Variants in BACE2 observed in about 807,000 individuals in gnomAD.
BACE2 encodes 56 kDa aspartic-like protease.
A neutral mutation model predicts 46.2 loss-of-function variants in BACE2; 17 were observed. The observed-to-expected ratio is 0.37, with a 90% CI of 0.25 to 0.55. The LOEUF (loss-of-function observed/expected upper bound fraction) is 0.55, where lower values mean the gene tolerates loss of function less well. Among genes scored for constraint, BACE2 ranks in the 20% least tolerant of loss-of-function variants. BACE2 has a pLI of 0.82. For missense variants in BACE2, 595 were observed against 698.1 expected, an observed-to-expected ratio of 0.85 and a Z score of 1.66; for synonymous variants, 277 against 295.9, an observed-to-expected ratio of 0.94 and a Z score of 0.66.
At chr21:41,236,424 C>G (rs765162524) in intron 2 of BACE2, among the ~76,000 whole-genome samples, 3 of 152,186 alleles carry the variant, frequency 2.0e-5, no homozygotes, top group Non-Finnish European at 2.9e-5. Flanking sequence ...TATCTCTCCT[C>G]ACTGCAGCAT....
intron 6 of BACE2, among the ~76,000 whole-genome samples, chr21:41,247,941 C>T (rs1454893332): frequency 6.6e-6 from 1 of 152,084 alleles, no homozygotes; most frequent in Non-Finnish European, 1.5e-5. Context: ...AACCTCTTGG[C>T]GTGGGTTTCC....
chr21:41,240,440 C>T (rs1030245072), intron 3 of BACE2, among the ~76,000 whole-genome samples: 2 of 152,218 alleles, frequency 1.3e-5, no homozygotes, highest in African/African-American at 2.4e-5. Flanking sequence ...TCGCTGTGTG[C>T]GTGTGCCAGG....
chr21:41,259,544 C>G (rs1012856975), intron 8 of BACE2, among the ~76,000 whole-genome samples: 3 of 151,420 alleles, frequency 2.0e-5, no homozygotes, highest in Admixed American at 1.3e-4. Flanking sequence ...TATGGACTAT[C>G]TAGATTTAAT....
Position 41,280,047 on chromosome 21 carries a change from A to T in BACE2, c.*4423A>T, listed in dbSNP as rs927140411. 1.3e-5 allele frequency: 2 copies of T among 152,244 alleles called. No individual in the cohort carries two copies. The highest frequency in any genetic ancestry group is 6.5e-5 in the Admixed American group (1 of 15,284). 9.4% of individuals were successfully genotyped at this position (152,244 alleles called of 1,614,324 possible). A position where few individuals can be genotyped will look rare whatever the true frequency, so the allele number is the denominator to read the frequency against. The stretch of plus-strand genomic sequence containing the variant: ...TTTGTAAAGGAACTTCTCAGGATTG[A>T]TTATTTGCCAGAGGAACAATTAGGC... On this transcript the variant is annotated 3_prime_UTR_variant, in exon 9 of 9. Transcript: ENST00000330333.
At chr21:41,268,721 C>G (rs1313617315) in intron 8 of BACE2, among the ~76,000 whole-genome samples, 1 of 152,138 alleles carries the variant, frequency 6.6e-6, no homozygotes, top group Non-Finnish European at 1.5e-5. Context: ...TGCATTCCAG[C>G]TTGGGCAACA....
rs201116059 is a variant in BACE2 at position 41,168,633 on chromosome 21, TC to T, written c.312+60del. The T allele has an allele frequency of 4.3e-3, 5,278 of 1,214,656 alleles. 180 individuals carry two copies. In the African/African-American group the frequency reaches 0.075, roughly 17 times the overall value. The allele number at this position is 1,214,656 out of a possible 1,614,324, so 75.2% of individuals were successfully genotyped here. A position where few individuals can be genotyped will look rare whatever the true frequency, so the allele number is the denominator to read the frequency against. On this transcript the variant is annotated intron_variant, in intron 1 of 8. Coordinates refer to ENST00000330333, the MANE Select transcript of BACE2 (RefSeq NM_012105.5). ...CGGGCTCGTTGGAGGGAGGGGGCTG[TC>T]CAGAGACGCCTCCACGCGGCTTAGC...
intron 1 of BACE2, chr21:41,181,311 T>A (rs1020376193): frequency 1.2e-5 from 2 of 167,112 alleles, no homozygotes; most frequent in Admixed American, 1.3e-4. Flanking sequence ...CGGGGTGCGA[T>A]GTTTATACTT....
chr21:41,224,236 A>C (rs200283058), intron 1 of BACE2, among the ~76,000 whole-genome samples: 2 of 65,830 alleles, frequency 3.0e-5, no homozygotes, highest in African/African-American at 2.3e-4. Flanking sequence ...TTTTTTTGAG[A>C]TGGAGTATCG....
chr21:41,225,202 C>T (rs902252802), intron 1 of BACE2, among the ~76,000 whole-genome samples: 5 of 150,578 alleles, frequency 3.3e-5, no homozygotes, highest in Non-Finnish European at 7.4e-5. Flanking sequence ...CCACTGCACT[C>T]CAGCCTGAAC....
intron 2 of BACE2, 48 bp downstream of exon 2, chr21:41,226,402 A>T: frequency 6.7e-7 from 1 of 1,500,720 alleles, no homozygotes; most frequent in African/African-American, 1.4e-5. Flanking sequence ...GCACTGCATG[A>T]TCAACATGCT....
At chr21:41,184,409 T>A (rs1480334742) in intron 1 of BACE2, 1 of 167,140 alleles carries the variant, frequency 6.0e-6, no homozygotes, top group African/African-American at 2.4e-5. Context: ...ATAGTCAACG[T>A]AACAAACTCT....
intron 1 of BACE2, among the ~76,000 whole-genome samples, chr21:41,171,480 G>C (rs1190511608): frequency 6.6e-6 from 1 of 152,234 alleles, no homozygotes; most frequent in South Asian, 2.1e-4. Flanking sequence ...GAGCTGCAAG[G>C]CGTGTGTGCT....
chr21:41,211,792 A>G (rs868181072), intron 1 of BACE2, among the ~76,000 whole-genome samples: 1 of 152,400 alleles, frequency 6.6e-6, no homozygotes, highest in African/African-American at 2.4e-5. Flanking sequence ...CAGGCTGCTA[A>G]TCACTAACTA....
At chr21:41,247,626 C>T (rs181574404) in intron 6 of BACE2, among the ~76,000 whole-genome samples, 47 of 152,390 alleles carry the variant, frequency 3.1e-4, no homozygotes, top group African/African-American at 1.1e-3. Flanking sequence ...ACGTCGTGGA[C>T]CGGCCAGACC....
At chr21:41,244,952 T>C (rs1987423943) in intron 5 of BACE2, among the ~76,000 whole-genome samples, 2 of 151,948 alleles carry the variant, frequency 1.3e-5, no homozygotes, top group African/African-American at 4.8e-5. Context: ...ATTCTTAGAT[T>C]CTAGGTTCTT....
chr21:41,193,019 C>T lies in BACE2; in HGVS notation c.312+24444C>T, dbSNP rs1426540186. Among the ~76,000 whole-genome samples, 1 of 152,204 alleles carries T rather than the reference C, an allele frequency of 6.6e-6. No individual in the cohort carries two copies. The highest frequency in any genetic ancestry group is 1.5e-5 in the Non-Finnish European group (1 of 68,038). ...CATATTTATTTCCCATCTCCTGGCA[C>T]ATAAATGTCTCACCAATAAGTCCAG... is the stretch of plus-strand genomic sequence containing the variant. On this transcript the variant is annotated intron_variant, in intron 1 of 8. Transcript: ENST00000330333. The surrounding 1 kb of genome is among the most constrained non-coding windows in gnomAD (Gnocchi z 4.2).
intron 8 of BACE2, among the ~76,000 whole-genome samples, chr21:41,259,403 G>A (rs767431749): frequency 5.9e-5 from 9 of 151,454 alleles, no homozygotes; most frequent in Middle Eastern, 3.4e-3. Context: ...GACAGTGCTC[G>A]ATAGAACCCT....
chr21:41,266,088 T>C (rs1198502349), intron 8 of BACE2, among the ~76,000 whole-genome samples: 1 of 152,254 alleles, frequency 6.6e-6, no homozygotes, highest in Non-Finnish European at 1.5e-5. Flanking sequence ...TTTTCTGTAC[T>C]ATTCCATTGA....
At position 41,193,387 on chromosome 21, in the gene BACE2, C is replaced by G. The variant is rs1227263664; in HGVS notation, c.312+24812C>G. 6.6e-6 allele frequency among the ~76,000 whole-genome samples: 1 copy of G among 152,204 alleles called. No homozygotes were observed. On this transcript the variant is annotated intron_variant, in intron 1 of 8. Transcript: ENST00000330333. This position sits in a 1 kb window ranked among gnomAD's most constrained non-coding sequence, Gnocchi z 4.2. ...ACAGCAGCTGCAATTGGAGTCACCA[C>G]TTGGTTAAGCTTACAGTAACCCACT...
Sources: gnomAD v4.1 joint callset for allele counts (sites outside exome capture counted in the v4.1 genomes callset) on GRCh38, gnomAD v4.1.1 for gene constraint, Gnocchi (gnomAD v3.1) non-coding constraint, MANE v1.5 for transcripts, NCBI Gene and HGNC (gene_info 2026-07-23, HGNC 2026-07-21) for gene names.